ESRRG: variants seen among roughly 807,000 people sequenced by gnomAD.
The protein encoded by ESRRG is estrogen related receptor gamma.
A neutral mutation model predicts 44.0 loss-of-function variants in ESRRG; 13 were observed. The ratio of observed to expected loss-of-function variants is 0.30; its 90% CI spans 0.19 to 0.47. The LOEUF is 0.47. Ranked by LOEUF, ESRRG falls within the 20% of genes least tolerant of loss-of-function variation. The pLI, the probability that ESRRG is intolerant of heterozygous loss-of-function variation, is 1.00. For missense variants in ESRRG, 395 were observed against 580.6 expected, an observed-to-expected ratio of 0.68 and a Z score of 3.29; for synonymous variants, 215 against 214.6, an observed-to-expected ratio of 1.00 and a Z score of -0.02.
intron 5 of ESRRG, among the ~76,000 whole-genome samples, chr1:216,529,922 GC>G (rs2048786109): frequency 6.6e-6 from 1 of 151,788 alleles, no homozygotes; most frequent in South Asian, 2.1e-4. Context: ...GACCAGCCTG[GC>G]CTACATGGTG....
chr1:216,818,630 C>T (rs2095215422), intron 2 of ESRRG, among the ~76,000 whole-genome samples: 1 of 151,818 alleles, frequency 6.6e-6, no homozygotes, highest in African/African-American at 2.4e-5. Context: ...TTTTAAGTTC[C>T]AGGGTACATG....
intron 3 of ESRRG, among the ~76,000 whole-genome samples, chr1:216,581,175 A>T (rs1214212637): frequency 6.6e-6 from 1 of 152,238 alleles, no homozygotes; most frequent in Non-Finnish European, 1.5e-5. Context: ...GCTGAATTCC[A>T]TCTAATGTCT....
intron 2 of ESRRG, among the ~76,000 whole-genome samples, chr1:216,913,597 C>T (rs1354430896): frequency 6.6e-6 from 1 of 152,238 alleles, no homozygotes; most frequent in Non-Finnish European, 1.5e-5. Flanking sequence ...GTGAGCGCTG[C>T]ACTTTTTCCA....
intron 3 of ESRRG, among the ~76,000 whole-genome samples, chr1:216,581,380 A>G (rs948394464): frequency 7.9e-5 from 12 of 152,346 alleles, no homozygotes; most frequent in Non-Finnish European, 1.6e-4. Flanking sequence ...ACAGGGGTAC[A>G]TACATAGAGA....
intron 1 of ESRRG, among the ~76,000 whole-genome samples, chr1:216,950,415 G>GT (rs2066761992): frequency 6.6e-6 from 1 of 152,116 alleles, no homozygotes. Context: ...TTAAGAAAGA[G>GT]TTTTTTCGTT....
chr1:216,593,731 T>C (rs1474541819), intron 3 of ESRRG, among the ~76,000 whole-genome samples: 1 of 152,228 alleles, frequency 6.6e-6, no homozygotes, highest in Non-Finnish European at 1.5e-5. Context: ...ATTCCATTCA[T>C]ACTGACTTTT....
intron 2 of ESRRG, among the ~76,000 whole-genome samples, chr1:216,922,521 C>T (rs1290056261): frequency 6.6e-6 from 1 of 152,126 alleles, no homozygotes; most frequent in African/African-American, 2.4e-5. Context: ...GTGCTGGTTG[C>T]CTGTTCATTA....
chr1:216,976,569 C>T (rs187158078), intron 1 of ESRRG, among the ~76,000 whole-genome samples: 2 of 152,194 alleles, frequency 1.3e-5, no homozygotes, highest in East Asian at 1.9e-4. Context: ...CTTTTCAAAG[C>T]GATATCCTTC....
intron 1 of ESRRG, among the ~76,000 whole-genome samples, chr1:217,130,845 G>A (rs1438433386): frequency 6.6e-6 from 1 of 151,812 alleles, no homozygotes; most frequent in Non-Finnish European, 1.5e-5. Flanking sequence ...AAGCCTTCCT[G>A]AAAAAGAACA....
At chr1:216,804,435 A>G (rs550795913) in intron 2 of ESRRG, among the ~76,000 whole-genome samples, 1 of 152,310 alleles carries the variant, frequency 6.6e-6, no homozygotes, top group East Asian at 1.9e-4. Context: ...ACCAACACTT[A>G]AACTGAATGT....
intron 1 of ESRRG, among the ~76,000 whole-genome samples, chr1:217,083,216 C>A (rs2091882581): frequency 6.6e-6 from 1 of 152,122 alleles, no homozygotes; most frequent in Non-Finnish European, 1.5e-5. Context: ...ACCAAAAAAA[C>A]AAAGTGTTTT....
At chr1:216,953,016 C>G (rs1334264688) in intron 1 of ESRRG, among the ~76,000 whole-genome samples, 1 of 152,116 alleles carries the variant, frequency 6.6e-6, no homozygotes, top group East Asian at 1.9e-4. Flanking sequence ...TGGGAGTATG[C>G]ACACCAAACC....
chr1:216,892,485 A>T (rs2057929882), intron 2 of ESRRG, among the ~76,000 whole-genome samples: 1 of 152,140 alleles, frequency 6.6e-6, no homozygotes, highest in African/African-American at 2.4e-5. Flanking sequence ...GTAACAAAAA[A>T]TCATATTATG....
chr1:216,881,964 A>C (rs1187593722), intron 2 of ESRRG, among the ~76,000 whole-genome samples: 2 of 128,970 alleles, frequency 1.6e-5, no homozygotes, highest in Admixed American at 7.6e-5. Flanking sequence ...TTTGCTATGC[A>C]CTGGGTTTTT....
chr1:216,831,934 A>G (rs890215855), intron 2 of ESRRG, among the ~76,000 whole-genome samples: 2 of 152,148 alleles, frequency 1.3e-5, no homozygotes, highest in Admixed American at 1.3e-4. Context: ...TTTTTCCCCA[A>G]AGATGCTGCT....
intron 5 of ESRRG, among the ~76,000 whole-genome samples, chr1:216,533,936 T>C (rs1283202080): frequency 6.6e-6 from 1 of 152,172 alleles, no homozygotes; most frequent in African/African-American, 2.4e-5. Context: ...TGATGGCTCG[T>C]AATTCATCCT....
At chr1:217,052,301 A>G (rs2086203052) in intron 1 of ESRRG, among the ~76,000 whole-genome samples, 1 of 152,224 alleles carries the variant, frequency 6.6e-6, no homozygotes, top group African/African-American at 2.4e-5. Flanking sequence ...GAGATGATTC[A>G]AAACAGATCA....
At chr1:216,610,664 C>G (rs2060523877) in intron 3 of ESRRG, among the ~76,000 whole-genome samples, 1 of 151,406 alleles carries the variant, frequency 6.6e-6, no homozygotes, top group Admixed American at 6.6e-5. Context: ...TAAGTGCTAC[C>G]AAGAAAAAAA....
chr1:216,969,743 G>A (rs1181468931), intron 1 of ESRRG, among the ~76,000 whole-genome samples: 2 of 152,070 alleles, frequency 1.3e-5, no homozygotes, highest in East Asian at 1.9e-4. Context: ...GCACCACCAT[G>A]CCCGGCTAAT....
Sources: gnomAD v4.1 joint callset for allele counts (sites outside exome capture counted in the v4.1 genomes callset) on GRCh38, gnomAD v4.1.1 for gene constraint, MANE v1.5 for transcripts, NCBI Gene and HGNC (gene_info 2026-07-23, HGNC 2026-07-21) for gene names.